The following UBE3A variants were observed in gnomAD, a reference collection of about 807,000 sequenced individuals.
UBE3A encodes the protein ubiquitin protein ligase E3A, also known as ubiquitin-protein ligase E3A.
In UBE3A, 6 loss-of-function variants were observed where a neutral mutation model predicts 83.4. The observed-to-expected ratio is 0.07, with a 90% CI of 0.04 to 0.14. The LOEUF (loss-of-function observed/expected upper bound fraction) is 0.14. UBE3A is among the 10% of genes least tolerant of loss of function. UBE3A has a pLI of 1.00. For missense variants in UBE3A, 456 were observed against 1,036.1 expected, an observed-to-expected ratio of 0.44 and a Z score of 7.69; for synonymous variants, 337 against 355.4, an observed-to-expected ratio of 0.95 and a Z score of 0.58.
chr15:25,400,104 A>G (rs1350917481), intron 4 of UBE3A, among the ~76,000 whole-genome samples: 1 of 138,532 alleles, frequency 7.2e-6, no homozygotes, highest in Non-Finnish European at 1.6e-5. Flanking sequence ...ATTGCTTTGG[A>G]TAATAAAAAC....
chr15:25,428,171 TA>T (rs1596472670), intron 1 of UBE3A, among the ~76,000 whole-genome samples: 1 of 152,124 alleles, frequency 6.6e-6, no homozygotes, highest in East Asian at 1.9e-4. Context: ...AAAAAATCAT[TA>T]AAAATGAACT....
At chr15:25,417,781 A>AT (rs1490939117) in intron 1 of UBE3A, among the ~76,000 whole-genome samples, 4 of 152,066 alleles carry the variant, frequency 2.6e-5, no homozygotes, top group Non-Finnish European at 4.4e-5. Context: ...ACAGTCTAAC[A>AT]TATGTGTAAC....
chr15:25,433,915 A>C (rs1427195945), intron 1 of UBE3A, among the ~76,000 whole-genome samples: 1 of 152,154 alleles, frequency 6.6e-6, no homozygotes, highest in African/African-American at 2.4e-5. Context: ...AAATTAAAAA[A>C]TAAAAAAATT....
chr15:25,411,949 T>C lies in UBE3A; in HGVS notation c.-142A>G, dbSNP rs1237176600. 1 of 152,204 alleles carries C rather than the reference T, an allele frequency of 6.6e-6. No homozygotes were observed. Among genetic ancestry groups the C allele is most frequent in the Non-Finnish European group, 1.5e-5 (1 of 68,044 alleles). The allele number at this position is 152,204 out of a possible 1,614,324, so 9.4% of individuals were successfully genotyped here. A position where few individuals can be genotyped will look rare whatever the true frequency, so the allele number is the denominator to read the frequency against. ...TCTGAGGAGCTGGTGAATTCTAAAA[T>C]CAGGCTCTTACAGATTTTTAACCTA... On this transcript the variant is annotated 5_prime_UTR_variant, in exon 2 of 13. Transcript: ENST00000648336.
At chr15:25,432,423 G>T (rs1488998544) in intron 1 of UBE3A, among the ~76,000 whole-genome samples, 1 of 152,172 alleles carries the variant, frequency 6.6e-6, no homozygotes, top group African/African-American at 2.4e-5. Flanking sequence ...TTCATTACAT[G>T]AAAAGAACCT....
chr15:25,397,632 T>G (rs1036998231), intron 4 of UBE3A, among the ~76,000 whole-genome samples: 1 of 152,218 alleles, frequency 6.6e-6, no homozygotes, highest in Non-Finnish European at 1.5e-5. Context: ...TCCACCATTA[T>G]TCTTCTAATT....
At chr15:25,343,161 G>A (rs2075135269) in intron 11 of UBE3A, among the ~76,000 whole-genome samples, 1 of 152,016 alleles carries the variant, frequency 6.6e-6, no homozygotes, top group Admixed American at 6.6e-5. Context: ...AGTAATAACA[G>A]GTCCAGAAAA....
intron 11 of UBE3A, among the ~76,000 whole-genome samples, chr15:25,344,926 A>G (rs904577082): frequency 6.6e-6 from 1 of 152,180 alleles, no homozygotes; most frequent in African/African-American, 2.4e-5. Context: ...AGGTTCTGGA[A>G]AGATGATGAT....
intron 6 of UBE3A, among the ~76,000 whole-genome samples, chr15:25,367,247 T>C (rs1427088418): frequency 1.4e-5 from 1 of 73,234 alleles, no homozygotes; most frequent in Non-Finnish European, 2.6e-5. Context: ...ATGTAAATAT[T>C]TGCATATTTG....
At chr15:25,387,816 G>A (rs1478597649) in intron 4 of UBE3A, among the ~76,000 whole-genome samples, 2 of 152,078 alleles carry the variant, frequency 1.3e-5, no homozygotes, top group Non-Finnish European at 2.9e-5. Flanking sequence ...GACATTAAAA[G>A]GATAATCAAG....
Position 25,371,441 on chromosome 15 carries a change from A to C in UBE3A, c.733T>G (p.Ser245Ala), listed in dbSNP as rs760844102. ...AAGGCAGTTTCAATTTTTTCATTAG[A>C]GAGCAATCTGGTGTAGACCCTTCTA... is the stretch of plus-strand genomic sequence containing the variant. ...AIRRVYTRLL[S>A]NEKIETAFLN... The change falls in exon 6 of 13, where the codon TCT becomes GCT. Residue 245 changes from serine (S) to alanine (A), a missense_variant. Transcript: ENST00000648336. The surrounding 1 kb of genome is among the most constrained non-coding windows in gnomAD (Gnocchi z 5.3). 4 of 1,614,156 alleles carry C rather than the reference A, an allele frequency of 2.5e-6. No individual in the cohort carries two copies. Among genetic ancestry groups the C allele is most frequent in the East Asian group, 4.5e-5 (2 of 44,880 alleles).
At chr15:25,349,263 T>G (rs2076155891) in intron 11 of UBE3A, among the ~76,000 whole-genome samples, 1 of 152,174 alleles carries the variant, frequency 6.6e-6, no homozygotes, top group African/African-American at 2.4e-5. Flanking sequence ...TCACAAAATT[T>G]TATTGGTGGT....
At chr15:25,426,480 A>G (rs2153168916) in intron 1 of UBE3A, among the ~76,000 whole-genome samples, 2 of 152,344 alleles carry the variant, frequency 1.3e-5, no homozygotes, top group Middle Eastern at 6.8e-3. Flanking sequence ...AAAGACTTAT[A>G]ATGCAATATA....
At chr15:25,339,557 C>G (rs2074381785) in intron 12 of UBE3A, 1 of 292,656 alleles carries the variant, frequency 3.4e-6, no homozygotes, top group Non-Finnish European at 6.5e-6. Context: ...CACAACAAAA[C>G]CACAGAGAGG....
chr15:25,372,730 C>T (rs2080498248), intron 5 of UBE3A, among the ~76,000 whole-genome samples: 1 of 152,084 alleles, frequency 6.6e-6, no homozygotes, highest in Non-Finnish European at 1.5e-5. Context: ...TGAGAATAGT[C>T]TTAATTCTCC....
At position 25,334,739 on chromosome 15, in the gene UBE3A, A is replaced by G. The variant is rs2073879071; in HGVS notation, c.*4398T>C. The stretch of plus-strand genomic sequence containing the variant: ...ATGGAGTAAGACTGAGAATCCAGAA[A>G]GTCTTATATTTATGGTCAACTGTTC... On this transcript the variant is annotated 3_prime_UTR_variant, in exon 13 of 13. Coordinates refer to ENST00000648336, the MANE Select transcript of UBE3A (RefSeq NM_130839.5). 1.3e-5 allele frequency: 2 copies of G among 152,198 alleles called. No homozygotes were observed. Among genetic ancestry groups the G allele is most frequent in the Non-Finnish European group, 2.9e-5 (2 of 68,042 alleles). 9.4% of individuals were successfully genotyped at this position (152,198 alleles called of 1,614,324 possible).
chr15:25,375,912 T>A (rs2081124941), intron 4 of UBE3A, 149 bp from the exon 5 acceptor site: 4 of 804,108 alleles, frequency 5.0e-6, no homozygotes, highest in Non-Finnish European at 8.2e-6. Context: ...ATGCACTATT[T>A]ACCACAACTC....
intron 4 of UBE3A, among the ~76,000 whole-genome samples, chr15:25,403,957 G>A (rs1187115170): frequency 2.0e-5 from 3 of 152,208 alleles, no homozygotes; most frequent in South Asian, 4.1e-4. Flanking sequence ...AAGGAAATGA[G>A]GAATTATTGT....
chr15:25,361,121 TTA>T (rs1157616918), intron 6 of UBE3A, among the ~76,000 whole-genome samples: 4 of 109,742 alleles, frequency 3.6e-5, no homozygotes, highest in Admixed American at 1.3e-4. Flanking sequence ...ACTCATGTCC[TTA>T]CTCTTTTTTT....
Sources: allele counts gnomAD v4.1 joint callset (sites outside exome capture counted in the v4.1 genomes callset), GRCh38; gene constraint gnomAD v4.1.1; non-coding constraint Gnocchi (gnomAD v3.1); transcripts MANE v1.5; gene names NCBI Gene and HGNC (gene_info 2026-07-23, HGNC 2026-07-21).